Variants in ENTREP2 observed in about 807,000 individuals in gnomAD.
ENTREP2 encodes the protein protein ENTREP2.
At chr15:29,499,405 A>T in the ENTREP2 span, among the ~76,000 whole-genome samples, 4 of 152,206 alleles carry the variant, frequency 2.6e-5, no homozygotes, top group African/African-American at 9.6e-5. Flanking sequence ...TTGTTTTGAG[A>T]CAGAGGCTTG....
chr15:29,294,988 G>T, the ENTREP2 span, among the ~76,000 whole-genome samples: 1 of 152,170 alleles, frequency 6.6e-6, no homozygotes, highest in Non-Finnish European at 1.5e-5. Context: ...AGGATGGAGG[G>T]GGATGTGCAG....
chr15:29,449,093 C>G, the ENTREP2 span, among the ~76,000 whole-genome samples: 1 of 152,196 alleles, frequency 6.6e-6, no homozygotes, highest in African/African-American at 2.4e-5. Context: ...GAAGAATGGT[C>G]TGAATGAGAA....
the ENTREP2 span, among the ~76,000 whole-genome samples, chr15:29,548,454 A>AAAAAAG: frequency 2.0e-5 from 1 of 49,736 alleles, no homozygotes. Flanking sequence ...GATTCTGCCT[A>AAAAAAG]AAAAAAAAAA....
the ENTREP2 span, among the ~76,000 whole-genome samples, chr15:29,409,237 T>C: frequency 3.3e-5 from 5 of 152,200 alleles, no homozygotes. Flanking sequence ...CCTTCACACA[T>C]CCCACATCTC....
At chr15:29,317,727 G>A in the ENTREP2 span, among the ~76,000 whole-genome samples, 1 of 152,166 alleles carries the variant, frequency 6.6e-6, no homozygotes, top group South Asian at 2.1e-4. Context: ...ACAGGCTCAT[G>A]CAGAATTGAA....
the ENTREP2 span, among the ~76,000 whole-genome samples, chr15:29,188,199 CAG>C: frequency 6.6e-6 from 1 of 152,170 alleles, no homozygotes; most frequent in East Asian, 1.9e-4. Flanking sequence ...TCCTGAGTGA[CAG>C]GGGCACTAGG....
the ENTREP2 span, among the ~76,000 whole-genome samples, chr15:29,597,986 A>G: frequency 0.24 from 36,298 of 151,934 alleles, 4,682 homozygotes; most frequent in South Asian, 0.33. Context: ...GCCAGGCCTC[A>G]TGGCATGCAC....
the ENTREP2 span, among the ~76,000 whole-genome samples, chr15:29,643,210 C>T: frequency 6.6e-6 from 1 of 152,118 alleles, no homozygotes; most frequent in African/African-American, 2.4e-5. Flanking sequence ...CAAAGGACAA[C>T]ATTAAGGTAG....
the ENTREP2 span, among the ~76,000 whole-genome samples, chr15:29,295,891 C>T: frequency 2.6e-5 from 4 of 152,150 alleles, no homozygotes; most frequent in Admixed American, 2.6e-4. Flanking sequence ...ATTTGCAGCC[C>T]ATGGTTGATC....
At chr15:29,389,991 G>A in the ENTREP2 span, among the ~76,000 whole-genome samples, 2 of 152,146 alleles carry the variant, frequency 1.3e-5, no homozygotes, top group Non-Finnish European at 2.9e-5. Flanking sequence ...TATTGCTCAG[G>A]GAGAGGAGGC....
At chr15:29,411,779 G>C in the ENTREP2 span, among the ~76,000 whole-genome samples, 4 of 151,974 alleles carry the variant, frequency 2.6e-5, no homozygotes, top group East Asian at 7.7e-4. Flanking sequence ...CCAATGTTTT[G>C]CTTTCACAGT....
At chr15:29,556,435 CAAGG>C in the ENTREP2 span, among the ~76,000 whole-genome samples, 1 of 152,030 alleles carries the variant, frequency 6.6e-6, no homozygotes, top group African/African-American at 2.4e-5. Flanking sequence ...TCATTCTTCA[CAAGG>C]AAGGAAGGGA....
At chr15:29,471,249 C>T in the ENTREP2 span, among the ~76,000 whole-genome samples, 1 of 152,202 alleles carries the variant, frequency 6.6e-6, no homozygotes, top group Non-Finnish European at 1.5e-5. Context: ...GTAGAAAAGG[C>T]TCCATCACTA....
chr15:29,644,301 C>T, the ENTREP2 span, among the ~76,000 whole-genome samples: 10 of 152,114 alleles, frequency 6.6e-5, no homozygotes, highest in African/African-American at 2.2e-4. Flanking sequence ...CAAAGGGGTG[C>T]AGAGTTCCTC....
At chr15:29,549,983 G>A in the ENTREP2 span, among the ~76,000 whole-genome samples, 1 of 152,150 alleles carries the variant, frequency 6.6e-6, no homozygotes, top group Non-Finnish European at 1.5e-5. Context: ...AGGAGAAATG[G>A]ATTCTGTGAG....
chr15:29,596,489 A>G, the ENTREP2 span, among the ~76,000 whole-genome samples: 1 of 152,184 alleles, frequency 6.6e-6, no homozygotes, highest in Non-Finnish European at 1.5e-5. Flanking sequence ...TTTATCAGCT[A>G]GAATAGAGTG....
chr15:29,243,977 G>T, the ENTREP2 span, among the ~76,000 whole-genome samples: 1 of 152,170 alleles, frequency 6.6e-6, no homozygotes, highest in East Asian at 1.9e-4. Flanking sequence ...GATGAAACTG[G>T]ACAAGGAGGG....
At chr15:29,457,793 A>T in the ENTREP2 span, among the ~76,000 whole-genome samples, 9 of 152,188 alleles carry the variant, frequency 5.9e-5, no homozygotes, top group Admixed American at 6.5e-5. Flanking sequence ...CCAGATTTGC[A>T]GTTTGATTTT....
At chr15:29,507,888 G>T in the ENTREP2 span, among the ~76,000 whole-genome samples, 1 of 151,976 alleles carries the variant, frequency 6.6e-6, no homozygotes, top group Non-Finnish European at 1.5e-5. Context: ...CAGAAGACAA[G>T]AAATAACTAA....
Sources: allele counts gnomAD v4.1 joint callset (sites outside exome capture counted in the v4.1 genomes callset), GRCh38; gene constraint gnomAD v4.1.1; transcripts MANE v1.5; gene names NCBI Gene and HGNC (gene_info 2026-07-23, HGNC 2026-07-21).